Variants in DNAH17 observed in about 807,000 individuals in gnomAD.
DNAH17 encodes the protein axonemal beta dynein heavy chain 17.
In DNAH17, 376 loss-of-function variants were observed where a neutral mutation model predicts 485.6. That is an observed-to-expected ratio of 0.77 (90% CI 0.71 to 0.84). The LOEUF (loss-of-function observed/expected upper bound fraction) is 0.84. DNAH17 is among the 40% of genes least tolerant of loss of function. DNAH17 has a pLI of 0.00. For synonymous variants in DNAH17, 3,031 were observed against 2,405.9 expected (o/e 1.26, Z -7.60); for missense variants, 6,370 against 5,839.3 (o/e 1.09, Z -2.96).
At chr17:78,481,331 C>A (rs1172285647) in intron 48 of DNAH17, among the ~76,000 whole-genome samples, 1 of 151,970 alleles carries the variant, frequency 6.6e-6, no homozygotes, top group Non-Finnish European at 1.5e-5. Context: ...TCTTGATCTC[C>A]TGACCTTGTG....
At chr17:78,473,273 A>G (rs947187479) in intron 54 of DNAH17, among the ~76,000 whole-genome samples, 2 of 152,196 alleles carry the variant, frequency 1.3e-5, no homozygotes, top group African/African-American at 2.4e-5. Flanking sequence ...GGCCGGGCGC[A>G]GTGGCTCACG....
chr17:78,506,880 GA>G, intron 29 of DNAH17, 34 bp from the exon 30 acceptor site: 1 of 1,613,234 alleles, frequency 6.2e-7, no homozygotes, highest in Non-Finnish European at 8.5e-7. Flanking sequence ...GGAGGCCGGT[GA>G]CCCTACTCTG....
chr17:78,550,629 C>G (rs924109519), intron 16 of DNAH17, among the ~76,000 whole-genome samples: 1 of 152,118 alleles, frequency 6.6e-6, no homozygotes. Flanking sequence ...CTGGGGGAGC[C>G]AACCCTGCCG....
intron 77 of DNAH17, 86 bp from the exon 78 acceptor site, chr17:78,427,194 C>A: frequency 1.4e-6 from 2 of 1,405,916 alleles, no homozygotes; most frequent in South Asian, 1.2e-5. Context: ...CCAAAATGTT[C>A]CCAGCCCCAA....
intron 50 of DNAH17, 32 bp downstream of exon 50, chr17:78,479,453 G>C: frequency 6.3e-7 from 1 of 1,576,830 alleles, no homozygotes. Flanking sequence ...AGGTTTTACC[G>C]ATGGGAGAGG....
At position 78,430,134 on chromosome 17, in the gene DNAH17, C is replaced by T. The variant is rs190819109; in HGVS notation, c.12226-834G>A. On this transcript the variant is annotated intron_variant, in intron 75 of 80. Coordinates refer to ENST00000389840, the MANE Select transcript of DNAH17 (RefSeq NM_173628.4). Reference sequence around the variant, plus strand: ...ACAAAGCCTGGCTCATGGGCGGCCTCGCCATGAAGCCAGGCCCTTGTTCTT... The same window carrying T: ...ACAAAGCCTGGCTCATGGGCGGCCTTGCCATGAAGCCAGGCCCTTGTTCTT... 1.8e-4 allele frequency among the ~76,000 whole-genome samples: 28 copies of T among 152,318 alleles called. No individual in the cohort carries two copies. In the East Asian group the frequency reaches 2.7e-3, roughly 15 times the overall value.
intron 62 of DNAH17, among the ~76,000 whole-genome samples, chr17:78,456,519 G>A (rs1470582835): frequency 6.6e-6 from 1 of 152,180 alleles, no homozygotes; most frequent in Non-Finnish European, 1.5e-5. Flanking sequence ...GAGCCCGGGT[G>A]AGGACCACGG....
intron 62 of DNAH17, 175 bp downstream of exon 62, chr17:78,458,390 A>T: frequency 3.3e-6 from 2 of 614,870 alleles, no homozygotes; most frequent in Non-Finnish European, 5.8e-6. Context: ...TGTGGAGGCC[A>T]CTGACTATGC....
At position 78,450,513 on chromosome 17, in the gene DNAH17, C is replaced by T. The variant is rs552791062; in HGVS notation, c.10900-119G>A. The T allele has an allele frequency of 2.7e-5, 39 of 1,459,402 alleles. No individual in the cohort carries two copies. In the East Asian group the frequency reaches 9.2e-4, roughly 35 times the overall value. The allele number at this position is 1,459,402 out of a possible 1,614,324, so 90.4% of individuals were successfully genotyped here. ...GAAGCCACCCAAGGGCTCTCAGCAG[C>T]AGCTGGGTGCAGGATGGGAGCCCAG... On this transcript the variant is annotated intron_variant, in intron 67 of 80. Coordinates refer to ENST00000389840, the MANE Select transcript of DNAH17 (RefSeq NM_173628.4).
intron 22 of DNAH17, among the ~76,000 whole-genome samples, chr17:78,528,699 C>G (rs1163737715): frequency 3.3e-5 from 5 of 152,110 alleles, no homozygotes; most frequent in African/African-American, 4.8e-5. Context: ...GGAGGCAGCT[C>G]TAGGACACAC....
intron 8 of DNAH17, 31 bp from the exon 9 acceptor site, chr17:78,569,283 G>A (rs750719832): frequency 1.3e-5 from 20 of 1,595,868 alleles, no homozygotes; most frequent in African/African-American, 1.2e-4. Context: ...ATGAGGCCAC[G>A]TTTGCTTCAA....
At chr17:78,531,618 G>T (rs763150876) in intron 20 of DNAH17, among the ~76,000 whole-genome samples, 2 of 152,190 alleles carry the variant, frequency 1.3e-5, no homozygotes, top group Non-Finnish European at 2.9e-5. Flanking sequence ...TATCACAGGC[G>T]TGAGCCACCA....
intron 75 of DNAH17, 65 bp downstream of exon 75, chr17:78,433,964 G>GGAGGGAGGGAAGGAGGGAGGGAAA: frequency 7.6e-7 from 1 of 1,323,552 alleles, no homozygotes. Context: ...AGGGAGGGAA[G>GGAGGGAGGGAAGGAGGGAGGGAAA]GAGGGAGGGA....
chr17:78,562,745 C>T (rs899728097), intron 11 of DNAH17, among the ~76,000 whole-genome samples: 10 of 152,336 alleles, frequency 6.6e-5, no homozygotes, highest in Admixed American at 4.6e-4. Flanking sequence ...CCACAGGAAG[C>T]GTTCCTCTTA....
At chr17:78,473,525 CAG>C in intron 54 of DNAH17, among the ~76,000 whole-genome samples, 1 of 118,570 alleles carries the variant, frequency 8.4e-6, no homozygotes, top group Non-Finnish European at 1.6e-5. Flanking sequence ...GCCTGGGCGA[CAG>C]AGTGAGACTC....
chr17:78,452,199 G>C (rs2087584170), intron 65 of DNAH17, among the ~76,000 whole-genome samples: 1 of 147,538 alleles, frequency 6.8e-6, no homozygotes, highest in African/African-American at 2.6e-5. Flanking sequence ...ATATTGATTT[G>C]CCACCTCCTG....
chr17:78,537,758 G>A (rs2091416681), intron 18 of DNAH17, among the ~76,000 whole-genome samples: 1 of 152,220 alleles, frequency 6.6e-6, no homozygotes, highest in African/African-American at 2.4e-5. Flanking sequence ...GCCCACACCT[G>A]CTACTTGCCA....
chr17:78,565,751 C>T (rs903691573), intron 11 of DNAH17, among the ~76,000 whole-genome samples: 5 of 152,118 alleles, frequency 3.3e-5, no homozygotes, highest in Admixed American at 3.3e-4. Flanking sequence ...GTCAGGAGTT[C>T]GAGACCAGCC....
rs1323878026 is a variant in DNAH17 at position 78,541,981 on chromosome 17, G to A, written c.2532+1876C>T. Among the ~76,000 whole-genome samples, 3 of 152,016 alleles carry A rather than the reference G, an allele frequency of 2.0e-5. 1 individual carries two copies. Among genetic ancestry groups the A allele is most frequent in the Non-Finnish European group, 2.9e-5 (2 of 68,006 alleles). Reference sequence around the variant, plus strand: ...CAGTCAAGTCACTTCCTGGGGTGACGATCTTTAGAGCAATGATGTGACAAT... The same window carrying A: ...CAGTCAAGTCACTTCCTGGGGTGACAATCTTTAGAGCAATGATGTGACAAT... On this transcript the variant is annotated intron_variant, in intron 17 of 80. Coordinates refer to ENST00000389840, the MANE Select transcript of DNAH17 (RefSeq NM_173628.4).
Sources: gnomAD v4.1 joint callset for allele counts (sites outside exome capture counted in the v4.1 genomes callset) on GRCh38, gnomAD v4.1.1 for gene constraint, MANE v1.5 for transcripts, NCBI Gene and HGNC (gene_info 2026-07-23, HGNC 2026-07-21) for gene names.